Variants in PCDHA1 observed in about 807,000 individuals in gnomAD.
PCDHA1 encodes the protein protocadherin alpha-1.
Under a neutral mutation model 61.3 loss-of-function variants are expected in PCDHA1, and 42 were observed. The ratio of observed to expected loss-of-function variants is 0.69; its 90% CI spans 0.54 to 0.89. The LOEUF (loss-of-function observed/expected upper bound fraction) is 0.89, where lower values mean the gene tolerates loss of function less well. Ranked by LOEUF, PCDHA1 falls within the 40% of genes least tolerant of loss-of-function variation. PCDHA1 has a pLI of 0.00. For synonymous variants in PCDHA1, 610 were observed against 553.8 expected (o/e 1.10, Z -1.43); for missense variants, 1,256 against 1,235.3 (o/e 1.02, Z -0.25).
chr5:140,944,273 G>A (rs1208171689), intron 1 of PCDHA1, among the ~76,000 whole-genome samples: 2 of 152,098 alleles, frequency 1.3e-5, no homozygotes, highest in African/African-American at 4.8e-5. Flanking sequence ...CTGCAGCCTT[G>A]ACACCCCGGG....
At chr5:140,798,664 C>A (rs182647763) in intron 1 of PCDHA1, among the ~76,000 whole-genome samples, 4 of 152,162 alleles carry the variant, frequency 2.6e-5, no homozygotes, top group African/African-American at 9.7e-5. Context: ...TGGAAGCATC[C>A]ATATTCCTAA....
intron 1 of PCDHA1, among the ~76,000 whole-genome samples, chr5:140,972,289 G>A (rs548610825): frequency 1.5e-3 from 229 of 151,134 alleles, no homozygotes; most frequent in Non-Finnish European, 2.1e-3. Flanking sequence ...ATAGATGTGC[G>A]CCACCGTGTC....
chr5:140,795,435 A>T lies in PCDHA1; in HGVS notation c.2394+6751A>T, dbSNP rs781802033. 5.6e-6 allele frequency: 9 copies of T among 1,614,094 alleles called. No individual in the cohort carries two copies. The South Asian group carries it at 7.7e-5, about 14-fold the overall frequency. ...ATTCTCGGTTTCCTCTAGAGGGAGC[A>T]TCTGATGCAGATATAGGAGTAAATG... is the stretch of plus-strand genomic sequence containing the variant. On this transcript the variant is annotated intron_variant, in intron 1 of 3. Coordinates refer to ENST00000504120, the MANE Select transcript of PCDHA1 (RefSeq NM_018900.4).
chr5:140,942,588 A>T (rs1416575390), intron 1 of PCDHA1, among the ~76,000 whole-genome samples: 1 of 149,588 alleles, frequency 6.7e-6, no homozygotes, highest in South Asian at 2.1e-4. Flanking sequence ...AGGATGTCAC[A>T]TATAATTATA....
chr5:140,856,465 C>G (rs2044013823), intron 1 of PCDHA1: 1 of 1,598,234 alleles, frequency 6.3e-7, no homozygotes, highest in Non-Finnish European at 8.6e-7. Flanking sequence ...AACAAAAGCT[C>G]TCAATACCTG....
intron 1 of PCDHA1, among the ~76,000 whole-genome samples, chr5:140,872,998 G>C (rs2054022914): frequency 6.6e-6 from 1 of 152,060 alleles, no homozygotes; most frequent in African/African-American, 2.4e-5. Flanking sequence ...TTACTTCTGA[G>C]TCATTCTTCA....
chr5:140,807,787 A>T, intron 1 of PCDHA1: 1 of 1,614,148 alleles, frequency 6.2e-7, no homozygotes, highest in South Asian at 1.1e-5. Context: ...GGAAATCTTT[A>T]GACAGAGAAG....
At position 140,788,056 on chromosome 5, in the gene PCDHA1, A is replaced by T. The variant is rs2149896999; in HGVS notation, c.1766A>T (p.His589Leu). ...GTGCCGCGATTGGTGGGTGCGGGTC[A>T]TGTGGTGGCGAAGGTGCGCGCAGTG... The part of the protein sequence containing the change: ...ELVPRLVGAG[H>L]VVAKVRAVDA... Residue 589 changes from histidine (H) to leucine (L), a missense_variant, in exon 1 of 4, where the codon CAT (histidine) becomes CTT (leucine). Physicochemically the swap from His to Leu is moderately conservative, Grantham distance 99 (BLOSUM62 -3). Transcript: ENST00000504120. 6.2e-7 allele frequency: 1 copy of T among 1,613,966 alleles called. No individual in the cohort carries two copies. The highest frequency in any genetic ancestry group is 8.5e-7 in the Non-Finnish European group (1 of 1,179,892).
rs114918834 is a variant in PCDHA1, at chr5:140,920,894, T to C, written c.2395-58055T>C. 7.8e-3 allele frequency among the ~76,000 whole-genome samples: 1,179 copies of C among 151,482 alleles called. 6 individuals carry two copies. The highest frequency in any genetic ancestry group is 0.019 in the African/African-American group (771 of 41,278). Reference sequence around the variant, plus strand: ...GTGGCCCTTAGAACTTAAAGTCATATTTTGGTTCTCAAATCAGTTCCAAGA... The same window carrying C: ...GTGGCCCTTAGAACTTAAAGTCATACTTTGGTTCTCAAATCAGTTCCAAGA... On this transcript the variant is annotated intron_variant, in intron 1 of 3. Coordinates refer to ENST00000504120, the MANE Select transcript of PCDHA1 (RefSeq NM_018900.4).
intron 1 of PCDHA1, among the ~76,000 whole-genome samples, chr5:140,976,713 T>TA (rs1554237898): frequency 6.6e-6 from 1 of 152,216 alleles, no homozygotes; most frequent in Admixed American, 6.5e-5. Flanking sequence ...CTTTGCATTA[T>TA]AGTTCATTTA....
At chr5:140,871,293 G>T (rs1206433527) in intron 1 of PCDHA1, 5 of 1,613,794 alleles carry the variant, frequency 3.1e-6, no homozygotes, top group Admixed American at 1.7e-5. Flanking sequence ...CTGAGGGCGC[G>T]TGCGCGCCGG....
chr5:140,979,157 A>G (rs2096837413), intron 2 of PCDHA1, 150 bp downstream of exon 2: 9 of 1,429,186 alleles, frequency 6.3e-6, no homozygotes, highest in Non-Finnish European at 8.3e-6. Context: ...CCCCATGTTT[A>G]TTCCTTGAAA....
chr5:140,934,239 T>C (rs2089722399), intron 1 of PCDHA1, among the ~76,000 whole-genome samples: 1 of 152,146 alleles, frequency 6.6e-6, no homozygotes, highest in Non-Finnish European at 1.5e-5. Context: ...TACTTAATTG[T>C]GGAGATTTAT....
chr5:140,835,664 G>A (rs2150241207), intron 1 of PCDHA1: 1 of 1,613,934 alleles, frequency 6.2e-7, no homozygotes, highest in Non-Finnish European at 8.5e-7. Flanking sequence ...TGGTTACCGC[G>A]CGGGACGGGG....
chr5:140,851,307 T>C (rs1562478803), intron 1 of PCDHA1: 21 of 1,000,198 alleles, frequency 2.1e-5, no homozygotes, highest in Non-Finnish European at 2.6e-5. Context: ...TATATAGCAA[T>C]TGTTACCTTG....
chr5:140,858,481 T>C (rs782180300), intron 1 of PCDHA1: 5 of 1,507,736 alleles, frequency 3.3e-6, no homozygotes, highest in Non-Finnish European at 4.5e-6. Flanking sequence ...TTATGAATAA[T>C]ATTTTCTCTT....
chr5:140,870,589 C>A (rs1445004841), intron 1 of PCDHA1: 30 of 1,613,510 alleles, frequency 1.9e-5, no homozygotes, highest in Non-Finnish European at 2.5e-5. Context: ...GCTGGTGGAG[C>A]GGCGGTTGGG....
chr5:140,933,377 C>A lies in PCDHA1; in HGVS notation c.2395-45572C>A, dbSNP rs910236493. Among the ~76,000 whole-genome samples the A allele has an allele frequency of 3.9e-5, 6 of 151,980 alleles. No homozygotes were observed. In the South Asian group the frequency reaches 1.2e-3, roughly 31 times the overall value. On this transcript the variant is annotated intron_variant, in intron 1 of 3. Transcript: ENST00000504120. ...TTCTAACCCATCCCAAATTCCTTGG[C>A]TGTTCCTAGAGCCATCTGGTTACCA...
At chr5:140,836,587 T>G in intron 1 of PCDHA1, 1 of 1,613,734 alleles carries the variant, frequency 6.2e-7, no homozygotes, top group Non-Finnish European at 8.5e-7. Context: ...TGTAGTTTGG[T>G]AAAGCCCACT....
Sources: gnomAD v4.1 joint callset for allele counts (sites outside exome capture counted in the v4.1 genomes callset) on GRCh38, gnomAD v4.1.1 for gene constraint, MANE v1.5 for transcripts, NCBI Gene and HGNC (gene_info 2026-07-23, HGNC 2026-07-21) for gene names.